Variants in EIF2A observed in about 807,000 individuals in gnomAD.
EIF2A encodes the protein eukaryotic translation initiation factor 2A.
In EIF2A, 62 loss-of-function variants were observed where a neutral mutation model predicts 75.2. The observed-to-expected ratio is 0.82, with a 90% CI of 0.67 to 1.02. EIF2A has a LOEUF of 1.02. EIF2A is among the 50% of genes least tolerant of loss of function. The pLI is 0.00. For missense variants in EIF2A, 611 were observed against 677.7 expected (o/e 0.90, Z 1.09); for synonymous variants, 207 against 239.0 (o/e 0.87, Z 1.23).
chr3:150,568,237 A>G lies in EIF2A; in HGVS notation c.756A>G (p.Gly252=). 6.2e-7 allele frequency: 1 copy of G among 1,613,778 alleles called. No homozygotes were observed. The part of the protein sequence containing the change: ...DVDKTGASYY[G]EQTLHYIATN... Reference sequence around the variant, plus strand: ...ACAAGACAGGAGCTTCCTACTATGGAGAACAAACTCTACACTACATTGCAA... The same window carrying G: ...ACAAGACAGGAGCTTCCTACTATGGGGAACAAACTCTACACTACATTGCAA... Residue 252 remains glycine (G), a synonymous_variant, in exon 9 of 14, where the codon GGA becomes GGG. Transcript: ENST00000460851.
chr3:150,576,993 C>G (rs1381680559), intron 11 of EIF2A, among the ~76,000 whole-genome samples: 1 of 152,168 alleles, frequency 6.6e-6, no homozygotes, highest in Non-Finnish European at 1.5e-5. Context: ...GTACATGTCT[C>G]AATCCATTCA....
chr3:150,552,541 T>A, intron 2 of EIF2A, 116 bp downstream of exon 2: 2 of 774,126 alleles, frequency 2.6e-6, no homozygotes, highest in Non-Finnish European at 4.1e-6. Flanking sequence ...TCATTTTTAT[T>A]GTATAATATT....
chr3:150,546,997 T>G, intron 1 of EIF2A, 167 bp downstream of exon 1: 1 of 833,458 alleles, frequency 1.2e-6, no homozygotes, highest in Non-Finnish European at 1.8e-6. Flanking sequence ...CAATCGGAAG[T>G]GAAGTCTCCG....
chr3:150,556,163 A>C (rs1033930112), intron 2 of EIF2A, among the ~76,000 whole-genome samples: 15 of 152,152 alleles, frequency 9.9e-5, no homozygotes, highest in Non-Finnish European at 1.8e-4. Context: ...TGAATAGTTG[A>C]GGCGTGGCAG....
At chr3:150,561,256 A>C (rs2107920737) in intron 3 of EIF2A, among the ~76,000 whole-genome samples, 1 of 152,194 alleles carries the variant, frequency 6.6e-6, no homozygotes, top group Non-Finnish European at 1.5e-5. Context: ...GAGCCACTGC[A>C]CCTGGCCCAT....
intron 2 of EIF2A, among the ~76,000 whole-genome samples, chr3:150,555,727 TAAAAAAC>T (rs1409361638): frequency 2.0e-5 from 3 of 151,434 alleles, no homozygotes; most frequent in South Asian, 2.1e-4. Context: ...CATATCTATT[TAAAAAAC>T]AAAAAACAAA....
intron 9 of EIF2A, among the ~76,000 whole-genome samples, chr3:150,570,583 AG>A (rs201923393): frequency 6.5e-4 from 99 of 151,766 alleles, no homozygotes; most frequent in South Asian, 4.4e-3. Flanking sequence ...AAAAAGAAGA[AG>A]AAAAAAAATC....
chr3:150,562,805 G>A lies in EIF2A; in HGVS notation c.292+145G>A. 8 of 597,872 alleles carry A rather than the reference G, an allele frequency of 1.3e-5. No individual in the cohort carries two copies. The South Asian group carries it at 1.5e-4, about 11-fold the overall frequency. The allele number at this position is 597,872 out of a possible 1,614,324, so 37.0% of individuals were successfully genotyped here. ...TGTTTGTGAATATTTATGATCTACA[G>A]TGAATCTTGTACTCTCCAAATAAAC... On this transcript the variant is annotated intron_variant, in intron 4 of 13. Coordinates refer to ENST00000460851, the MANE Select transcript of EIF2A (RefSeq NM_032025.5).
rs763967904 is a variant in EIF2A at position 150,575,704 on chromosome 3, T to G, written c.1439T>G (p.Leu480Ter). The G allele has an allele frequency of 6.2e-7, 1 of 1,613,278 alleles. No individual in the cohort carries two copies. The highest frequency in any genetic ancestry group is 2.2e-5 in the East Asian group (1 of 44,852). The change falls in exon 11 of 14, where the codon TTA (leucine) becomes TGA (stop). Residue 480 changes from leucine (L) to a stop codon, truncating the protein, a stop_gained. Coordinates refer to ENST00000460851, the MANE Select transcript of EIF2A (RefSeq NM_032025.5). LOFTEE classifies it high-confidence loss of function. Reference protein sequence around the residue: ...MKPQSGNDKPLSKTALKNQRK... With the variant: ...MKPQSGNDKP ...CCACAATCAGGAAACGATAAGCCATTATCAAAAACAGCTCTTAAAAATCAA... is the reference window on the plus strand; with the variant it reads ...CCACAATCAGGAAACGATAAGCCATGATCAAAAACAGCTCTTAAAAATCAA...
chr3:150,565,038 A>G (rs985652927), intron 6 of EIF2A: 11 of 348,600 alleles, frequency 3.2e-5, no homozygotes, highest in South Asian at 1.2e-4. Flanking sequence ...TTTTGGTCCT[A>G]TAAGTTCCCA....
chr3:150,565,284 C>A (rs1011031794), intron 6 of EIF2A: 3 of 451,682 alleles, frequency 6.6e-6, no homozygotes, highest in African/African-American at 4.0e-5. Context: ...TCAAGAAGCA[C>A]ATAATGTCTG....
At chr3:150,578,575 AGCCAATACAGT>A in intron 11 of EIF2A, among the ~76,000 whole-genome samples, 1 of 152,088 alleles carries the variant, frequency 6.6e-6, no homozygotes, top group Non-Finnish European at 1.5e-5. Context: ...TTTTTAAAAG[AGCCAATACAGT>A]CATCAAGCAC....
At chr3:150,548,239 ACT>A (rs1013181023) in intron 1 of EIF2A, among the ~76,000 whole-genome samples, 9 of 151,660 alleles carry the variant, frequency 5.9e-5, no homozygotes, top group African/African-American at 2.2e-4. Context: ...GATTTGGCAA[ACT>A]CTTTTTCATC....
At chr3:150,549,288 G>A (rs1723202376) in intron 1 of EIF2A, among the ~76,000 whole-genome samples, 1 of 149,396 alleles carries the variant, frequency 6.7e-6, no homozygotes, top group Admixed American at 6.7e-5. Context: ...GCGCGATCTT[G>A]GCTCGCTGCA....
At chr3:150,576,439 A>AT (rs1559885142) in intron 11 of EIF2A, among the ~76,000 whole-genome samples, 1 of 152,106 alleles carries the variant, frequency 6.6e-6, no homozygotes, top group Non-Finnish European at 1.5e-5. Flanking sequence ...CGAAAAAAAA[A>AT]GAAAAAAAGC....
rs185157156 is a variant in EIF2A at position 150,570,148 on chromosome 3, T to C, written c.812-1810T>C. Among the ~76,000 whole-genome samples the C allele has an allele frequency of 2.4e-3, 369 of 151,730 alleles. 3 individuals are homozygous for C. Among genetic ancestry groups the C allele is most frequent in the Non-Finnish European group, 2.7e-3 (186 of 67,894 alleles). ...AGAATTTTTTTTCTAATCTTAAGAGTAGAAAAAGACTTTTTAAACAAGATA... is the reference window on the plus strand; with the variant it reads ...AGAATTTTTTTTCTAATCTTAAGAGCAGAAAAAGACTTTTTAAACAAGATA... On this transcript the variant is annotated intron_variant, in intron 9 of 13. Transcript: ENST00000460851.
At chr3:150,550,974 T>A (rs1216143046) in intron 1 of EIF2A, among the ~76,000 whole-genome samples, 1 of 152,172 alleles carries the variant, frequency 6.6e-6, no homozygotes, top group African/African-American at 2.4e-5. Context: ...CTATTTTGTT[T>A]TCCAGCTTCA....
rs1422140391 is a variant in EIF2A at position 150,575,794 on chromosome 3, A to G, written c.1497+32A>G. ...GGGGCACTAATCTCATAACAAAACA[A>G]ATAGTCAGTTATGGCCGGGCGCAGT... On this transcript the variant is annotated intron_variant, in intron 11 of 13. Transcript: ENST00000460851. 3 of 1,566,442 alleles carry G rather than the reference A, an allele frequency of 1.9e-6. No homozygotes were observed. The African/African-American group carries it at 4.1e-5, about 21-fold the overall frequency.
At chr3:150,577,844 A>C (rs934554801) in intron 11 of EIF2A, among the ~76,000 whole-genome samples, 1 of 152,178 alleles carries the variant, frequency 6.6e-6, no homozygotes. Flanking sequence ...TAAGGTATAG[A>C]ATTGTATTAT....
Sources: allele counts gnomAD v4.1 joint callset (sites outside exome capture counted in the v4.1 genomes callset), GRCh38; gene constraint gnomAD v4.1.1; transcripts MANE v1.5; gene names NCBI Gene and HGNC (gene_info 2026-07-23, HGNC 2026-07-21).